Variants in RCAN2 observed in about 807,000 individuals in gnomAD.
RCAN2 encodes calcipressin-2.
A neutral mutation model predicts 23.6 loss-of-function variants in RCAN2; 9 were observed. The observed-to-expected ratio is 0.38, with a 90% CI of 0.23 to 0.67. The LOEUF is 0.67. Ranked by LOEUF, RCAN2 falls within the 30% of genes least tolerant of loss-of-function variation. The pLI, the probability that RCAN2 is intolerant of heterozygous loss-of-function variation, is 0.51. For synonymous variants in RCAN2, 109 were observed against 115.7 expected (o/e 0.94, Z 0.37); for missense variants, 273 against 302.3 (o/e 0.90, Z 0.72).
chr6:46,431,315 C>T (rs1232980219), intron 2 of RCAN2, among the ~76,000 whole-genome samples: 2 of 152,172 alleles, frequency 1.3e-5, no homozygotes, highest in African/African-American at 4.8e-5. Context: ...AAGCAATCCT[C>T]CCACCTCGGC....
chr6:46,232,135 C>A (rs2150308566), intron 4 of RCAN2, among the ~76,000 whole-genome samples: 1 of 152,362 alleles, frequency 6.6e-6, no homozygotes, highest in Non-Finnish European at 1.5e-5. Flanking sequence ...GAGATGACTG[C>A]CTGATCACTT....
rs1360587020 is a variant in RCAN2 at position 46,249,313 on chromosome 6, CTTTCTTT to C, written c.226-424_226-418del. On this transcript the variant is annotated intron_variant, in intron 2 of 4. Transcript: ENST00000371374. Reference sequence around the variant, plus strand: ...GGGGCACTTTTCTTTTTCTTTCTTTCTTTCTTTTTTTTTTTTTTTTTTTTAGACAGAG... The same window carrying C: ...GGGGCACTTTTCTTTTTCTTTCTTTCTTTTTTTTTTTTTTTTTAGACAGAG... 1.5e-3 allele frequency among the ~76,000 whole-genome samples: 178 copies of C among 118,760 alleles called. 1 individual carries two copies. Among genetic ancestry groups the C allele is most frequent in the African/African-American group, 5.3e-3 (166 of 31,040 alleles). The allele number at this position is 118,760 out of a possible 152,430, so 77.9% of individuals were successfully genotyped here. A position where few individuals can be genotyped will look rare whatever the true frequency, so the allele number is the denominator to read the frequency against.
chr6:46,271,209 G>C (rs1176111418), intron 2 of RCAN2, among the ~76,000 whole-genome samples: 3 of 152,166 alleles, frequency 2.0e-5, no homozygotes, highest in Non-Finnish European at 4.4e-5. Context: ...TTCTAAGGAA[G>C]AGGCTCATGG....
chr6:46,419,926 C>T (rs1766828255), intron 2 of RCAN2, among the ~76,000 whole-genome samples: 2 of 152,034 alleles, frequency 1.3e-5, no homozygotes, highest in African/African-American at 4.8e-5. Context: ...CATTAACAAC[C>T]AAAAAAGTCA....
chr6:46,280,391 T>G (rs1767865700), intron 2 of RCAN2, among the ~76,000 whole-genome samples: 1 of 152,184 alleles, frequency 6.6e-6, no homozygotes, highest in African/African-American at 2.4e-5. Flanking sequence ...ATTGAACCTT[T>G]GCAAGATGTC....
chr6:46,328,608 T>C (rs1422222602), intron 2 of RCAN2, among the ~76,000 whole-genome samples: 1 of 151,896 alleles, frequency 6.6e-6, no homozygotes, highest in African/African-American at 2.4e-5. Context: ...CTCTAGAGTT[T>C]TGTTTGTTTG....
intron 2 of RCAN2, among the ~76,000 whole-genome samples, chr6:46,294,766 T>C (rs374988706): frequency 1.3e-5 from 2 of 152,326 alleles, no homozygotes; most frequent in East Asian, 1.9e-4. Flanking sequence ...TGTACCAGTA[T>C]GCTTACCACG....
At chr6:46,386,951 A>G (rs1765773988) in intron 2 of RCAN2, among the ~76,000 whole-genome samples, 1 of 152,212 alleles carries the variant, frequency 6.6e-6, no homozygotes, top group South Asian at 2.1e-4. Context: ...AATACCACAC[A>G]TCTACAACCA....
intron 2 of RCAN2, among the ~76,000 whole-genome samples, chr6:46,329,553 A>G (rs1582110363): frequency 6.6e-6 from 1 of 152,186 alleles, no homozygotes; most frequent in East Asian, 1.9e-4. Context: ...ATAAATACAC[A>G]AATGAATCTA....
intron 2 of RCAN2, among the ~76,000 whole-genome samples, chr6:46,444,733 C>T (rs1267791049): frequency 6.6e-6 from 1 of 152,150 alleles, no homozygotes; most frequent in African/African-American, 2.4e-5. Context: ...AGGCCTGCTC[C>T]AGCAGACCCA....
chr6:46,302,826 A>C (rs926716253), intron 2 of RCAN2, among the ~76,000 whole-genome samples: 1 of 151,978 alleles, frequency 6.6e-6, no homozygotes, highest in African/African-American at 2.4e-5. Flanking sequence ...GCTTACAACA[A>C]AAATTCTGAG....
At chr6:46,472,154 C>T (rs552842717) in intron 1 of RCAN2, among the ~76,000 whole-genome samples, 2 of 152,312 alleles carry the variant, frequency 1.3e-5, no homozygotes, top group Non-Finnish European at 2.9e-5. Context: ...TCTCTCAAAT[C>T]AACACTCCTG....
chr6:46,469,382 G>A (rs1768488757), intron 1 of RCAN2, among the ~76,000 whole-genome samples: 1 of 152,174 alleles, frequency 6.6e-6, no homozygotes, highest in Non-Finnish European at 1.5e-5. Flanking sequence ...CTGCAATTGG[G>A]ACCAGTTCAC....
chr6:46,463,018 T>C (rs1288488280), intron 1 of RCAN2, among the ~76,000 whole-genome samples: 1 of 152,132 alleles, frequency 6.6e-6, no homozygotes, highest in East Asian at 1.9e-4. Context: ...ATGGTAAACA[T>C]TCATGGAGAT....
chr6:46,474,692 T>G lies in RCAN2; in HGVS notation c.-3+16481A>C, dbSNP rs562451522. 7.6e-4 allele frequency among the ~76,000 whole-genome samples: 115 copies of G among 152,288 alleles called. 1 individual carries two copies. The highest frequency in any genetic ancestry group is 3.4e-3 in the Middle Eastern group (1 of 294). On this transcript the variant is annotated intron_variant, in intron 1 of 4. Coordinates refer to ENST00000371374, the MANE Select transcript of RCAN2 (RefSeq NM_001251974.2). ...AAAGGAGGAAATCCTTTGGAATCAT[T>G]GCTATGTGAAAGTTAGGGATGCTGA...
At chr6:46,355,989 G>A (rs903150553) in intron 2 of RCAN2, among the ~76,000 whole-genome samples, 1 of 152,166 alleles carries the variant, frequency 6.6e-6, no homozygotes, top group Non-Finnish European at 1.5e-5. Flanking sequence ...GCCTCCGAAG[G>A]GCTTGCTCAG....
chr6:46,355,034 G>T (rs1764782484), intron 2 of RCAN2, among the ~76,000 whole-genome samples: 1 of 151,678 alleles, frequency 6.6e-6, no homozygotes. Flanking sequence ...CCTAGCAATT[G>T]TTCATAGTAG....
chr6:46,454,354 C>T (rs1482490235), intron 2 of RCAN2, among the ~76,000 whole-genome samples: 1 of 152,082 alleles, frequency 6.6e-6, no homozygotes, highest in African/African-American at 2.4e-5. Flanking sequence ...AAATGAGATG[C>T]CACAAGACTC....
intron 2 of RCAN2, among the ~76,000 whole-genome samples, chr6:46,445,082 A>G (rs1464224462): frequency 6.6e-6 from 1 of 152,020 alleles, no homozygotes; most frequent in Admixed American, 6.5e-5. Context: ...GAACCTAGAA[A>G]CCAGGTCCAT....
Sources: allele counts gnomAD v4.1 joint callset (sites outside exome capture counted in the v4.1 genomes callset), GRCh38; gene constraint gnomAD v4.1.1; transcripts MANE v1.5; gene names NCBI Gene and HGNC (gene_info 2026-07-23, HGNC 2026-07-21).